Variants in KCNN2 observed in about 807,000 individuals in gnomAD.
The protein encoded by KCNN2 is small conductance calcium-activated potassium channel protein 2.
In KCNN2, 24 loss-of-function variants were observed where a neutral mutation model predicts 55.5. The observed-to-expected ratio is 0.43, with a 90% CI of 0.31 to 0.61. The LOEUF is 0.61. KCNN2 is among the 20% of genes least tolerant of loss of function. The pLI is 0.08. For missense variants in KCNN2, 754 were observed against 853.6 expected (o/e 0.88, Z 1.45); for synonymous variants, 431 against 336.1 (o/e 1.28, Z -3.09).
intron 2 of KCNN2, among the ~76,000 whole-genome samples, chr5:114,385,778 G>A (rs1580776476): frequency 6.6e-6 from 1 of 151,498 alleles, no homozygotes; most frequent in Non-Finnish European, 1.5e-5. Context: ...CTAATGTAAT[G>A]TATGATAAAT....
At chr5:114,113,120 C>A (rs1457196825) in intron 1 of KCNN2, among the ~76,000 whole-genome samples, 1 of 151,980 alleles carries the variant, frequency 6.6e-6, no homozygotes, top group Admixed American at 6.6e-5. Flanking sequence ...AATTTTTTAT[C>A]TGCTTTAAAG....
intron 1 of KCNN2, among the ~76,000 whole-genome samples, chr5:114,127,199 G>A (rs1221341531): frequency 6.6e-6 from 1 of 152,154 alleles, no homozygotes; most frequent in Non-Finnish European, 1.5e-5. Context: ...GCCCCACTAA[G>A]CATTGTAGTG....
intron 1 of KCNN2, among the ~76,000 whole-genome samples, chr5:114,138,720 T>C (rs574305876): frequency 1.3e-5 from 2 of 152,216 alleles, no homozygotes; most frequent in East Asian, 3.9e-4. Context: ...ACTGTATAGG[T>C]AGTAAAGCAC....
intron 2 of KCNN2, among the ~76,000 whole-genome samples, chr5:114,312,737 G>T (rs1036907427): frequency 1.3e-5 from 2 of 151,914 alleles, no homozygotes; most frequent in Non-Finnish European, 2.9e-5. Context: ...GGAGAGGATT[G>T]CACTTGACAT....
chr5:114,456,910 G>A (rs1191044798), intron 3 of KCNN2, among the ~76,000 whole-genome samples: 1 of 152,146 alleles, frequency 6.6e-6, no homozygotes, highest in Non-Finnish European at 1.5e-5. Context: ...TGCTTCCTAT[G>A]GATCAGCAAA....
chr5:114,418,502 G>A (rs1759374284), intron 3 of KCNN2, among the ~76,000 whole-genome samples: 1 of 151,954 alleles, frequency 6.6e-6, no homozygotes, highest in African/African-American at 2.4e-5. Flanking sequence ...TTTTATCTTG[G>A]ATGTTGCCTT....
At chr5:114,187,128 T>G (rs1184728320) in intron 1 of KCNN2, among the ~76,000 whole-genome samples, 1 of 152,210 alleles carries the variant, frequency 6.6e-6, no homozygotes, top group Non-Finnish European at 1.5e-5. Flanking sequence ...TCATAGTTAT[T>G]AATTTTATCC....
At chr5:114,399,145 C>T (rs747499709) in intron 2 of KCNN2, among the ~76,000 whole-genome samples, 2 of 152,136 alleles carry the variant, frequency 1.3e-5, no homozygotes, top group Non-Finnish European at 2.9e-5. Context: ...ATGCTTCCAG[C>T]TTTAGCCTTT....
chr5:114,253,030 G>A (rs753098923), intron 2 of KCNN2, among the ~76,000 whole-genome samples: 2 of 152,000 alleles, frequency 1.3e-5, no homozygotes, highest in Middle Eastern at 3.2e-3. Context: ...GCTTCTCCTT[G>A]GGGGGTAGTA....
intron 2 of KCNN2, among the ~76,000 whole-genome samples, chr5:114,295,178 C>A (rs921722417): frequency 2.6e-5 from 4 of 152,196 alleles, no homozygotes; most frequent in Non-Finnish European, 4.4e-5. Flanking sequence ...GCAGTCTGCC[C>A]ATTCTCAGAT....
At chr5:114,308,185 A>G (rs1471037561) in intron 2 of KCNN2, among the ~76,000 whole-genome samples, 2 of 152,044 alleles carry the variant, frequency 1.3e-5, no homozygotes, top group East Asian at 3.9e-4. Context: ...GATTACCACC[A>G]CCCACTGACC....
At chr5:114,078,217 AG>A (rs766087066) in intron 1 of KCNN2, among the ~76,000 whole-genome samples, 3 of 152,210 alleles carry the variant, frequency 2.0e-5, no homozygotes, top group Non-Finnish European at 4.4e-5. Flanking sequence ...GTTTTAATTT[AG>A]GAAATCCAAA....
chr5:114,083,249 T>C (rs1321790881), intron 1 of KCNN2, among the ~76,000 whole-genome samples: 1 of 152,014 alleles, frequency 6.6e-6, no homozygotes, highest in Non-Finnish European at 1.5e-5. Flanking sequence ...ATTTTTTATT[T>C]TGTTGATTTT....
At chr5:114,276,690 T>C (rs1274213632) in intron 2 of KCNN2, among the ~76,000 whole-genome samples, 2 of 150,394 alleles carry the variant, frequency 1.3e-5, no homozygotes, top group Non-Finnish European at 3.0e-5. Context: ...ATTTGCTTGG[T>C]AGATCTTCCT....
intron 1 of KCNN2, among the ~76,000 whole-genome samples, chr5:114,145,625 C>T (rs1752382863): frequency 6.6e-6 from 1 of 152,142 alleles, no homozygotes; most frequent in Non-Finnish European, 1.5e-5. Context: ...GGGGTTCCGT[C>T]TTCTGAAGGT....
rs574507059 is a variant in KCNN2 at position 114,362,686 on chromosome 5, T to C, written c.547T>C (p.Ser183Pro). 47 of 1,448,482 alleles carry C rather than the reference T, an allele frequency of 3.2e-5. No individual in the cohort carries two copies. In the South Asian group the frequency reaches 6.1e-4, roughly 19 times the overall value. The allele number at this position is 1,448,482 out of a possible 1,614,324, so 89.7% of individuals were successfully genotyped here. A position where few individuals can be genotyped will look rare whatever the true frequency, so the allele number is the denominator to read the frequency against. ...LGSLGSGPPLSHHHHHPHPAH... is the reference protein window; with the variant it reads ...LGSLGSGPPLPHHHHHPHPAH... ...CAGTCTGGGCTCCGGGCCCCCGCTC[T>C]CGCACCACCACCACCACCCGCACCC... Residue 183 changes from serine (S) to proline (P), a missense_variant, in exon 1 of 8, where the codon TCG (serine) becomes CCG (proline). By Grantham distance (74) the Ser-to-Pro change is moderately conservative. Around this residue, in one of 4 missense-constraint regions of KCNN2, gnomAD observed 381 missense variants for 259.1 expected, o/e 1.47. Transcript: ENST00000673685.
intron 1 of KCNN2, among the ~76,000 whole-genome samples, chr5:114,098,457 G>C (rs1387120592): frequency 6.6e-6 from 1 of 152,010 alleles, no homozygotes. Flanking sequence ...CCTCCTGTCA[G>C]ATCAGTGGTA....
intron 1 of KCNN2, among the ~76,000 whole-genome samples, chr5:114,198,789 A>G (rs2112569936): frequency 6.6e-6 from 1 of 152,186 alleles, no homozygotes; most frequent in Admixed American, 6.5e-5. Flanking sequence ...TGGTCTGAGA[A>G]GATACTTGAT....
rs368529605 is a variant in KCNN2 at position 114,318,530 on chromosome 5, T to C, written c.-184-42415T>C. 6.6e-5 allele frequency among the ~76,000 whole-genome samples: 10 copies of C among 151,940 alleles called. No homozygotes were observed. The East Asian group carries it at 1.4e-3, about 21-fold the overall frequency. On this transcript the variant is annotated intron_variant, in intron 2 of 10. Transcript: ENST00000512097. ...GCTATATTGTACTATATTATACCAC[T>C]ATATATAATCATACACTTATCATAA... is the stretch of plus-strand genomic sequence containing the variant.
Sources: gnomAD v4.1 joint callset for allele counts (sites outside exome capture counted in the v4.1 genomes callset) on GRCh38, gnomAD v4.1.1 for gene constraint, gnomAD v4.1.1 regional missense constraint, MANE v1.5 for transcripts, NCBI Gene and HGNC (gene_info 2026-07-23, HGNC 2026-07-21) for gene names.